The following WDFY3 variants were observed in gnomAD, a reference collection of about 807,000 sequenced individuals.
WDFY3 encodes the protein WD repeat and FYVE domain-containing protein 3.
Under a neutral mutation model 409.6 loss-of-function variants are expected in WDFY3, and 66 were observed. The ratio of observed to expected loss-of-function variants is 0.16; its 90% confidence interval spans 0.13 to 0.20. WDFY3 has a LOEUF of 0.20. WDFY3 is among the 10% of genes least tolerant of loss of function. The probability of loss-of-function intolerance (pLI) is 1.00; values close to 1 mark genes in which losing one functional copy is unlikely to be tolerated. For synonymous variants in WDFY3, 1,521 were observed against 1,537.1 expected (o/e 0.99, Z 0.25); for missense variants, 3,031 against 4,298.1 (o/e 0.71, Z 8.24).
intron 24 of WDFY3, among the ~76,000 whole-genome samples, chr4:84,784,950 CACT>C (rs2149509440): frequency 6.7e-6 from 1 of 148,346 alleles, no homozygotes; most frequent in South Asian, 2.1e-4. Flanking sequence ...CACTTCTTAT[CACT>C]ACCACTGCTA....
intron 2 of WDFY3, among the ~76,000 whole-genome samples, chr4:84,926,587 C>T (rs983368593): frequency 6.6e-6 from 1 of 152,152 alleles, no homozygotes; most frequent in African/African-American, 2.4e-5. Flanking sequence ...ATACATTTGA[C>T]ACAGACTTTC....
chr4:84,869,160 T>G (rs1390570061), intron 3 of WDFY3, among the ~76,000 whole-genome samples: 1 of 152,142 alleles, frequency 6.6e-6, no homozygotes, highest in Non-Finnish European at 1.5e-5. Flanking sequence ...GACCTAAAAC[T>G]TACACAAGAT....
In WDFY3 at chr4:84,737,254, G is replaced by A. The variant is rs1737608127; in HGVS notation, c.6687C>T (p.Gly2229=). The change falls in exon 41 of 68, where the codon GGC becomes GGT. Residue 2229 remains glycine (G), a synonymous_variant. Coordinates refer to ENST00000295888, the MANE Select transcript of WDFY3 (RefSeq NM_014991.6). The stretch of plus-strand genomic sequence containing the variant: ...GCCTTGCTGTAGCTATGTCCACGTG[G>A]CCCCTTTCATTCACAGGTAGAGTTA... ...FKVTLPVNER[G]HVDIATARPL... 1 of 1,613,874 alleles carries A rather than the reference G, an allele frequency of 6.2e-7. No individual in the cohort carries two copies. The highest frequency in any genetic ancestry group is 1.3e-5 in the African/African-American group (1 of 74,844).
At chr4:84,843,043 A>G (rs142423533) in intron 5 of WDFY3, among the ~76,000 whole-genome samples, 2 of 152,334 alleles carry the variant, frequency 1.3e-5, no homozygotes, top group East Asian at 3.9e-4. Flanking sequence ...TCTTAACTAT[A>G]TATCAAGCAT....
At chr4:84,909,652 T>C (rs962329745) in intron 2 of WDFY3, among the ~76,000 whole-genome samples, 2 of 152,062 alleles carry the variant, frequency 1.3e-5, no homozygotes, top group Admixed American at 6.6e-5. Flanking sequence ...TTGTCTTTTA[T>C]GAAATCTCAA....
At chr4:84,874,167 A>T (rs562976654) in intron 3 of WDFY3, among the ~76,000 whole-genome samples, 1 of 151,754 alleles carries the variant, frequency 6.6e-6, no homozygotes, top group South Asian at 2.1e-4. Flanking sequence ...TAATCCCAGC[A>T]CTTTGTGAGG....
At chr4:84,841,366 T>C (rs1428913755) in intron 5 of WDFY3, 103 bp from the exon 6 acceptor site, 5 of 904,622 alleles carry the variant, frequency 5.5e-6, no homozygotes, top group Non-Finnish European at 5.1e-6. Context: ...AAGCACATAA[T>C]TATATCAGCA....
intron 50 of WDFY3, among the ~76,000 whole-genome samples, chr4:84,714,394 G>T (rs1733479089): frequency 6.6e-6 from 1 of 152,184 alleles, no homozygotes; most frequent in Non-Finnish European, 1.5e-5. Flanking sequence ...ATGAGCGTGA[G>T]CCATTGCACG....
chr4:84,829,058 A>C lies in WDFY3; in HGVS notation c.902T>G (p.Leu301Arg), dbSNP rs769841477. The change falls in exon 9 of 68, where the codon CTG (leucine) becomes CGG (arginine). Residue 301 changes from leucine (L) to arginine (R), a missense_variant. Physicochemically the swap from Leu to Arg is moderately radical, Grantham distance 102 (BLOSUM62 -2). Around this residue, in one of 16 missense-constraint regions of WDFY3, gnomAD observed 1,322 missense variants for 1,697.9 expected, o/e 0.78. Coordinates refer to ENST00000295888, the MANE Select transcript of WDFY3 (RefSeq NM_014991.6). ...TCCTTGCCATATCCGAAAATCATCCAGAAGTGTTTGGGAAACATCGCTGGA... is the reference window on the plus strand; with the variant it reads ...TCCTTGCCATATCCGAAAATCATCCCGAAGTGTTTGGGAAACATCGCTGGA... ...KDSSDVSQTLLDDFRIWQGYN... is the reference protein window; with the variant it reads ...KDSSDVSQTLRDDFRIWQGYN... The C allele has an allele frequency of 3.7e-6, 6 of 1,613,776 alleles. No homozygotes were observed. The highest frequency in any genetic ancestry group is 5.1e-6 in the Non-Finnish European group (6 of 1,179,806).
At chr4:84,769,571 T>C (rs1744271277) in intron 30 of WDFY3, among the ~76,000 whole-genome samples, 1 of 152,020 alleles carries the variant, frequency 6.6e-6, no homozygotes, top group South Asian at 2.1e-4. Context: ...ACTGCCACCA[T>C]GCCCGGCTAA....
chr4:84,795,101 A>G (rs1173310475), intron 19 of WDFY3, 122 bp from the exon 20 acceptor site: 1 of 615,162 alleles, frequency 1.6e-6, no homozygotes, highest in Admixed American at 4.2e-5. Flanking sequence ...ATCATGGAAT[A>G]AATCTGGATG....
intron 53 of WDFY3, among the ~76,000 whole-genome samples, chr4:84,707,448 T>C (rs1732154476): frequency 6.6e-6 from 1 of 152,060 alleles, no homozygotes; most frequent in South Asian, 2.1e-4. Flanking sequence ...ACATGGACAG[T>C]AGGAAAAGTA....
Position 84,735,030 on chromosome 4 carries a change from T to C in WDFY3, c.6993+13A>G. ...ATGTAAAACAAACCATTATGATGAT[T>C]ATAAGTCCTTACCTCCTGATATTCT... is the stretch of plus-strand genomic sequence containing the variant. On this transcript the variant is annotated intron_variant, in intron 43 of 67. Coordinates refer to ENST00000295888, the MANE Select transcript of WDFY3 (RefSeq NM_014991.6). 6.2e-7 allele frequency: 1 copy of C among 1,604,540 alleles called. No homozygotes were observed. Among genetic ancestry groups the C allele is most frequent in the Non-Finnish European group, 8.5e-7 (1 of 1,173,366 alleles).
intron 3 of WDFY3, among the ~76,000 whole-genome samples, chr4:84,861,366 T>C: frequency 1.3e-5 from 2 of 152,188 alleles, no homozygotes; most frequent in East Asian, 1.9e-4. Context: ...AAATTTTCTA[T>C]TTTTAGTTAT....
chr4:84,874,400 G>A (rs1246957794), intron 3 of WDFY3, among the ~76,000 whole-genome samples: 2 of 151,678 alleles, frequency 1.3e-5, no homozygotes, highest in African/African-American at 2.4e-5. Context: ...CTGACAGAGC[G>A]AGACTCTGTC....
At chr4:84,794,469 A>T in intron 21 of WDFY3, 50 bp downstream of exon 21, 1 of 1,492,460 alleles carries the variant, frequency 6.7e-7, no homozygotes, top group Non-Finnish European at 9.1e-7. Context: ...ACAAAAATGA[A>T]GTTTTAATAC....
intron 63 of WDFY3, among the ~76,000 whole-genome samples, chr4:84,683,374 G>C (rs968976368): frequency 2.6e-5 from 4 of 152,142 alleles, no homozygotes; most frequent in Non-Finnish European, 4.4e-5. Flanking sequence ...CAAGCACAAA[G>C]AAAAATCTCC....
chr4:84,932,072 G>C (rs890515441), intron 2 of WDFY3, among the ~76,000 whole-genome samples, 198 bp downstream of exon 2: 3 of 152,130 alleles, frequency 2.0e-5, no homozygotes, highest in Non-Finnish European at 4.4e-5. Flanking sequence ...ATGTAGCCCT[G>C]TTTTGGTGCA....
intron 1 of WDFY3, among the ~76,000 whole-genome samples, chr4:84,947,730 A>AC (rs1256129727): frequency 1.4e-5 from 2 of 147,986 alleles, no homozygotes; most frequent in African/African-American, 5.0e-5. Flanking sequence ...AAAAAAAAAA[A>AC]CATTAGCCAG....
Sources: allele counts gnomAD v4.1 joint callset (sites outside exome capture counted in the v4.1 genomes callset), GRCh38; gene constraint gnomAD v4.1.1; regional missense constraint gnomAD v4.1.1; transcripts MANE v1.5; gene names NCBI Gene and HGNC (gene_info 2026-07-23, HGNC 2026-07-21).